The following LARGE1 variants were observed in gnomAD, a reference collection of about 807,000 sequenced individuals.
The protein encoded by LARGE1 is LARGE xylosyl- and glucuronyltransferase 1, also known as xylosyl- and glucuronyltransferase LARGE1.
In LARGE1, 43 loss-of-function variants were observed where a neutral mutation model predicts 87.6. The ratio of observed to expected loss-of-function variants is 0.49; its 90% CI spans 0.38 to 0.63. The LOEUF (loss-of-function observed/expected upper bound fraction) is 0.63. LARGE1 is among the 30% of genes least tolerant of loss of function. The pLI, the probability that LARGE1 is intolerant of heterozygous loss-of-function variation, is 0.00. For missense variants in LARGE1, 802 were observed against 1,000.2 expected (o/e 0.80, Z 2.67); for synonymous variants, 434 against 394.6 (o/e 1.10, Z -1.18).
the LARGE1 span, among the ~76,000 whole-genome samples, chr22:33,103,713 C>A: frequency 1.3e-5 from 2 of 152,166 alleles, no homozygotes; most frequent in African/African-American, 4.8e-5. Context: ...CTTTGGCCAA[C>A]AACTTTAATG....
At chr22:33,892,972 A>C (rs2065041986) in intron 1 of LARGE1, among the ~76,000 whole-genome samples, 1 of 152,224 alleles carries the variant, frequency 6.6e-6, no homozygotes, top group Non-Finnish European at 1.5e-5. Context: ...GGGGATTAAA[A>C]AGGGAGAAGG....
chr22:33,177,792 C>G (rs1308356817), intron 11 of LARGE1, among the ~76,000 whole-genome samples: 1 of 152,134 alleles, frequency 6.6e-6, no homozygotes. Context: ...CATCCCCACC[C>G]AAATCTCTTC....
chr22:33,586,423 T>C (rs1171765129), intron 5 of LARGE1, among the ~76,000 whole-genome samples: 2 of 151,890 alleles, frequency 1.3e-5, no homozygotes, highest in East Asian at 1.9e-4. Context: ...GAATACGCCA[T>C]GCTGCCCCCA....
intron 1 of LARGE1, among the ~76,000 whole-genome samples, chr22:33,903,937 GA>G (rs1178523754): frequency 1.3e-5 from 2 of 152,198 alleles, no homozygotes; most frequent in Non-Finnish European, 2.9e-5. Context: ...GGAAAGTGTT[GA>G]CTGGCGCTGG....
At chr22:33,202,674 A>G (rs567968782) in intron 11 of LARGE1, among the ~76,000 whole-genome samples, 4 of 152,268 alleles carry the variant, frequency 2.6e-5, no homozygotes, top group Non-Finnish European at 4.4e-5. Flanking sequence ...CCTCTTTCTC[A>G]TTCACCTTGA....
intron 5 of LARGE1, among the ~76,000 whole-genome samples, chr22:33,586,025 C>G (rs1602574822): frequency 6.6e-6 from 1 of 152,144 alleles, no homozygotes; most frequent in Non-Finnish European, 1.5e-5. Flanking sequence ...TCTGTTACTT[C>G]TAAGTTAGCC....
At chr22:33,312,345 C>T (rs1036750048) in intron 11 of LARGE1, among the ~76,000 whole-genome samples, 5 of 148,592 alleles carry the variant, frequency 3.4e-5, no homozygotes, top group African/African-American at 7.5e-5. Flanking sequence ...GAGGTTGAGG[C>T]GGGAGAATCG....
chr22:33,091,904 T>C, the LARGE1 span, among the ~76,000 whole-genome samples: 2 of 152,262 alleles, frequency 1.3e-5, no homozygotes, highest in Non-Finnish European at 2.9e-5. Context: ...TTTCGTTTGT[T>C]TGTTTGTTTG....
At chr22:33,344,263 T>C (rs1939484851) in intron 9 of LARGE1, among the ~76,000 whole-genome samples, 1 of 152,182 alleles carries the variant, frequency 6.6e-6, no homozygotes, top group African/African-American at 2.4e-5. Flanking sequence ...TTATATCTCA[T>C]TTATTTATTC....
At chr22:33,140,330 G>A in the LARGE1 span, among the ~76,000 whole-genome samples, 1 of 142,484 alleles carries the variant, frequency 7.0e-6, no homozygotes, top group Admixed American at 6.8e-5. Flanking sequence ...TGGGTGCAGT[G>A]GGGAGAAAAG....
At chr22:33,185,146 G>T (rs1923409142) in intron 11 of LARGE1, among the ~76,000 whole-genome samples, 1 of 152,100 alleles carries the variant, frequency 6.6e-6, no homozygotes, top group Non-Finnish European at 1.5e-5. Context: ...AAACTTGAAA[G>T]CAACCAAGAT....
At chr22:33,325,693 C>T (rs1937182816) in intron 10 of LARGE1, among the ~76,000 whole-genome samples, 1 of 151,478 alleles carries the variant, frequency 6.6e-6, no homozygotes, top group Admixed American at 6.6e-5. Context: ...TCTGGGAGGC[C>T]CCGTTTCTTC....
At chr22:33,812,492 G>A (rs1428127425) in intron 1 of LARGE1, among the ~76,000 whole-genome samples, 1 of 152,234 alleles carries the variant, frequency 6.6e-6, no homozygotes, top group Non-Finnish European at 1.5e-5. Context: ...GGAAAACTGA[G>A]ATTCAAACCA....
intron 1 of LARGE1, among the ~76,000 whole-genome samples, chr22:33,822,848 G>A (rs1427559231): frequency 1.3e-5 from 2 of 152,188 alleles, no homozygotes; most frequent in East Asian, 3.8e-4. Flanking sequence ...GAAGTGAGCA[G>A]TGGCCATGTA....
intron 5 of LARGE1, among the ~76,000 whole-genome samples, chr22:33,575,955 T>C (rs770411123): frequency 2.6e-5 from 4 of 152,200 alleles, no homozygotes; most frequent in Non-Finnish European, 4.4e-5. Context: ...GTACTTTATG[T>C]TATGAAATGG....
chr22:33,326,682 C>A (rs895369425), intron 10 of LARGE1, among the ~76,000 whole-genome samples: 1 of 152,054 alleles, frequency 6.6e-6, no homozygotes, highest in East Asian at 1.9e-4. Context: ...GTAAGAGATG[C>A]CACTTGAGAA....
At chr22:33,676,707 C>T (rs1387060124) in intron 2 of LARGE1, among the ~76,000 whole-genome samples, 1 of 152,050 alleles carries the variant, frequency 6.6e-6, no homozygotes, top group Admixed American at 6.5e-5. Flanking sequence ...ACTTTTCCTA[C>T]AAAGGTCTAA....
chr22:33,836,863 A>G (rs1392151756), intron 1 of LARGE1, among the ~76,000 whole-genome samples: 1 of 152,204 alleles, frequency 6.6e-6, no homozygotes, highest in Non-Finnish European at 1.5e-5. Context: ...GTAAGTACCA[A>G]CTACCATTAT....
intron 6 of LARGE1, among the ~76,000 whole-genome samples, chr22:33,468,631 A>G (rs1191236836): frequency 6.6e-6 from 1 of 152,176 alleles, no homozygotes; most frequent in Non-Finnish European, 1.5e-5. Flanking sequence ...GCATACATCT[A>G]TTTTATTTTT....
Sources: allele counts gnomAD v4.1 joint callset (sites outside exome capture counted in the v4.1 genomes callset), GRCh38; gene constraint gnomAD v4.1.1; transcripts MANE v1.5; gene names NCBI Gene and HGNC (gene_info 2026-07-23, HGNC 2026-07-21).